The following APIP variants were observed in gnomAD, a reference collection of about 807,000 sequenced individuals.
APIP encodes methylthioribulose-1-phosphate dehydratase.
In APIP, 32 loss-of-function variants were observed where a neutral mutation model predicts 32.0. The observed-to-expected ratio is 1.00, with a 90% CI of 0.76 to 1.34. The LOEUF is 1.34. Among genes scored for constraint, APIP ranks in the 40% most tolerant of loss-of-function variants. APIP has a pLI of 0.00. For synonymous variants in APIP, 92 were observed against 94.8 expected, an observed-to-expected ratio of 0.97 and a Z score of 0.17; for missense variants, 247 against 298.6, an observed-to-expected ratio of 0.83 and a Z score of 1.27.
chr11:34,910,728 C>T (rs186428719), intron 1 of APIP, among the ~76,000 whole-genome samples: 88 of 152,202 alleles, frequency 5.8e-4, no homozygotes, highest in Non-Finnish European at 4.4e-5. Context: ...ATATGGAATA[C>T]TTTACTTTAT....
chr11:34,902,035 G>A (rs984545459), intron 1 of APIP, among the ~76,000 whole-genome samples: 2 of 152,144 alleles, frequency 1.3e-5, no homozygotes, highest in East Asian at 3.9e-4. Context: ...CAGGACCTTT[G>A]CCTCATTAAT....
intron 1 of APIP, among the ~76,000 whole-genome samples, chr11:34,897,186 CTGA>C (rs1333878976): frequency 6.6e-6 from 1 of 152,174 alleles, no homozygotes; most frequent in East Asian, 1.9e-4. Context: ...CAAATGATGA[CTGA>C]TGGAGTAAAC....
chr11:34,898,530 T>C (rs1853316177), intron 1 of APIP, among the ~76,000 whole-genome samples: 1 of 152,174 alleles, frequency 6.6e-6, no homozygotes, highest in African/African-American at 2.4e-5. Flanking sequence ...AATCCCCAGC[T>C]ATCCTGTCAC....
intron 3 of APIP, 73 bp from the exon 4 acceptor site, chr11:34,888,942 G>A (rs1307026207): frequency 1.2e-6 from 1 of 845,362 alleles, no homozygotes; most frequent in Non-Finnish European, 1.7e-6. Context: ...CTTTTCTTGT[G>A]TACATATACA....
intron 5 of APIP, among the ~76,000 whole-genome samples, chr11:34,883,957 A>G (rs1170690052): frequency 6.6e-6 from 1 of 152,218 alleles, no homozygotes; most frequent in Non-Finnish European, 1.5e-5. Context: ...AAAGTATCTG[A>G]GATAGGCAAA....
chr11:34,892,609 T>A (rs1172759802), intron 2 of APIP, among the ~76,000 whole-genome samples: 1 of 152,192 alleles, frequency 6.6e-6, no homozygotes, highest in Non-Finnish European at 1.5e-5. Flanking sequence ...CTAAACACAG[T>A]AGCTATTGAG....
chr11:34,915,908 T>G, intron 1 of APIP: 1 of 446,422 alleles, frequency 2.2e-6, no homozygotes, highest in South Asian at 3.5e-5. Context: ...TCACGATTCC[T>G]TCTCTGGCCT....
rs1357153244 is a variant in APIP at position 34,895,090 on chromosome 11, G to C, written c.78C>G (p.Tyr26Ter). Residue 26 changes from tyrosine to a stop codon, truncating the protein, a stop_gained, in exon 2 of 7, where the codon TAC becomes TAG. Transcript: ENST00000395787. LOFTEE classifies it high-confidence loss of function. ...ACTGTTTGCAAAGTTCTGGGATCAGGTATCTTGGATGCTCCTTGTCCTTAA... is the reference window on the plus strand; with the variant it reads ...ACTGTTTGCAAAGTTCTGGGATCAGCTATCTTGGATGCTCCTTGTCCTTAA... ...CGAQDKEHPR[Y>*]LIPELCKQFY... 2 of 1,613,790 alleles carry C rather than the reference G, an allele frequency of 1.2e-6. No homozygotes were observed. The highest frequency in any genetic ancestry group is 1.7e-6 in the Non-Finnish European group (2 of 1,179,882).
intron 1 of APIP, among the ~76,000 whole-genome samples, chr11:34,913,687 G>A (rs191491943): frequency 6.6e-6 from 1 of 152,316 alleles, no homozygotes; most frequent in Non-Finnish European, 1.5e-5. Context: ...GGTGACCGAG[G>A]GGGGTTGCCG....
At chr11:34,905,893 T>C (rs1853443477) in intron 1 of APIP, among the ~76,000 whole-genome samples, 1 of 152,296 alleles carries the variant, frequency 6.6e-6, no homozygotes, top group South Asian at 2.1e-4. Flanking sequence ...ACTGGAGGCA[T>C]CTGGACTGAC....
At chr11:34,885,156 A>G (rs1427090364) in intron 5 of APIP, among the ~76,000 whole-genome samples, 8 of 148,292 alleles carry the variant, frequency 5.4e-5, no homozygotes, top group African/African-American at 1.7e-4. Flanking sequence ...CTATATATGT[A>G]TAGGTATACA....
intron 1 of APIP, among the ~76,000 whole-genome samples, chr11:34,906,228 C>A (rs1853452225): frequency 6.6e-6 from 1 of 152,082 alleles, no homozygotes; most frequent in Admixed American, 6.5e-5. Flanking sequence ...GGAACTTGTA[C>A]TATAGTAGCA....
intron 1 of APIP, among the ~76,000 whole-genome samples, chr11:34,905,587 C>T (rs190430800): frequency 8.1e-4 from 124 of 152,248 alleles, no homozygotes; most frequent in Middle Eastern, 3.4e-3. Flanking sequence ...AAGGACCATG[C>T]TTGGGAGATC....
intron 2 of APIP, among the ~76,000 whole-genome samples, chr11:34,893,459 C>G (rs2986422): frequency 0.6 from 91,363 of 152,036 alleles, 28,490 homozygotes; most frequent in East Asian, 0.74. Flanking sequence ...TACTGGGACT[C>G]AACTTCTAAA....
rs142291500 is a variant in APIP, at chr11:34,882,782, C to A, written c.664G>T (p.Val222Leu). 2 of 1,608,494 alleles carry A rather than the reference C, an allele frequency of 1.2e-6. No individual in the cohort carries two copies. The change falls in exon 7 of 7, where the codon GTA becomes TTA. Residue 222 changes from valine (V) to leucine (L), a missense_variant. Physicochemically the swap from Val to Leu is conservative, Grantham distance 32. Transcript: ENST00000395787. Reference sequence around the variant, plus strand: ...TCAAGTCCTACTTTCTTCATTGATACGGCAATATCAAATAAATAGTCATAA... The same window carrying A: ...TCAAGTCCTACTTTCTTCATTGATAAGGCAATATCAAATAAATAGTCATAA... Reference protein sequence around the residue: ...ECYDYLFDIAVSMKKVGLDPS... With the variant: ...ECYDYLFDIALSMKKVGLDPS...
intron 1 of APIP, among the ~76,000 whole-genome samples, chr11:34,904,764 A>G (rs1376383615): frequency 6.6e-6 from 1 of 152,174 alleles, no homozygotes; most frequent in Non-Finnish European, 1.5e-5. Context: ...CTAGGCAATA[A>G]AAGTTACAGG....
At chr11:34,914,783 C>T (rs950068173) in intron 1 of APIP, among the ~76,000 whole-genome samples, 1 of 152,024 alleles carries the variant, frequency 6.6e-6, no homozygotes, top group Non-Finnish European at 1.5e-5. Flanking sequence ...GGGGGTGGAT[C>T]ACCTGAGATA....
chr11:34,907,469 G>T (rs1853477210), intron 1 of APIP, among the ~76,000 whole-genome samples: 1 of 152,148 alleles, frequency 6.6e-6, no homozygotes, highest in African/African-American at 2.4e-5. Flanking sequence ...TGACAAGGCA[G>T]CTGCTGTTAA....
At chr11:34,889,004 GTATACATA>G in intron 3 of APIP, 135 bp from the exon 4 acceptor site, 1 of 421,362 alleles carries the variant, frequency 2.4e-6, no homozygotes, top group South Asian at 7.9e-5. Context: ...TGTATATTTA[GTATACATA>G]TACATAGAGT....
Sources: gnomAD v4.1 joint callset for allele counts (sites outside exome capture counted in the v4.1 genomes callset) on GRCh38, gnomAD v4.1.1 for gene constraint, MANE v1.5 for transcripts, NCBI Gene and HGNC (gene_info 2026-07-23, HGNC 2026-07-21) for gene names.